CTNNA3: variants seen among roughly 807,000 people sequenced by gnomAD.
CTNNA3 encodes catenin alpha-3.
Under a neutral mutation model 95.7 loss-of-function variants are expected in CTNNA3, and 76 were observed. The observed-to-expected ratio is 0.79, with a 90% CI of 0.66 to 0.96. The LOEUF (loss-of-function observed/expected upper bound fraction) is 0.96, where lower values mean the gene tolerates loss of function less well. CTNNA3 is among the 40% of genes least tolerant of loss of function. CTNNA3 has a pLI of 0.00. For synonymous variants in CTNNA3, 431 were observed against 374.4 expected (o/e 1.15, Z -1.74); for missense variants, 1,191 against 1,089.8 (o/e 1.09, Z -1.31).
intron 10 of CTNNA3, among the ~76,000 whole-genome samples, chr10:66,613,745 C>T (rs1005844532): frequency 1.3e-5 from 2 of 151,998 alleles, no homozygotes; most frequent in African/African-American, 4.8e-5. Flanking sequence ...GTCTTAAGAG[C>T]ATTTTGTGCC....
At chr10:67,652,694 C>T (rs780316393) in intron 1 of CTNNA3, among the ~76,000 whole-genome samples, 14 of 148,666 alleles carry the variant, frequency 9.4e-5, no homozygotes, top group Admixed American at 4.6e-4. Context: ...ATATTTAATA[C>T]GAATTATAAC....
intron 7 of CTNNA3, among the ~76,000 whole-genome samples, chr10:67,138,759 G>C (rs2394333): frequency 6.6e-6 from 1 of 151,976 alleles, no homozygotes; most frequent in African/African-American, 2.4e-5. Flanking sequence ...AAAAAATAGT[G>C]GCCTTATTGT....
chr10:67,460,729 A>T (rs989097987), intron 5 of CTNNA3, among the ~76,000 whole-genome samples: 1 of 152,154 alleles, frequency 6.6e-6, no homozygotes, highest in African/African-American at 2.4e-5. Context: ...GACTTTAAAA[A>T]GGCCATTTAT....
chr10:66,306,292 A>G (rs1216962656), intron 12 of CTNNA3, among the ~76,000 whole-genome samples: 1 of 152,182 alleles, frequency 6.6e-6, no homozygotes, highest in Non-Finnish European at 1.5e-5. Context: ...CAGCCTCCTC[A>G]TCTAAAGACA....
chr10:66,294,110 G>T (rs1403238893), intron 12 of CTNNA3, among the ~76,000 whole-genome samples: 2 of 152,130 alleles, frequency 1.3e-5, no homozygotes, highest in African/African-American at 4.8e-5. Context: ...TGGAATAGTT[G>T]CATATAATCT....
chr10:67,468,338 G>A lies in CTNNA3; in HGVS notation c.579+53504C>T, dbSNP rs538585478. On this transcript the variant is annotated intron_variant, in intron 5 of 17. Coordinates refer to ENST00000433211, the MANE Select transcript of CTNNA3 (RefSeq NM_013266.4). ...CAGCCTAGAAGTCTGAGGCCAGCTT[G>A]AGCAGCATAGCAAGACCCTGTTCCT... is the stretch of plus-strand genomic sequence containing the variant. 2.6e-5 allele frequency among the ~76,000 whole-genome samples: 4 copies of A among 151,992 alleles called. No individual in the cohort carries two copies. In the East Asian group the frequency reaches 7.8e-4, roughly 29 times the overall value.
intron 15 of CTNNA3, among the ~76,000 whole-genome samples, chr10:66,057,677 T>C (rs1313228907): frequency 1.3e-5 from 2 of 152,190 alleles, no homozygotes; most frequent in Admixed American, 6.6e-5. Flanking sequence ...CAATGATTAT[T>C]GCTTATAATT....
intron 6 of CTNNA3, among the ~76,000 whole-genome samples, chr10:67,181,670 T>C (rs1862552941): frequency 6.6e-6 from 1 of 152,014 alleles, no homozygotes; most frequent in African/African-American, 2.4e-5. Context: ...AATAAGTATA[T>C]GTGTGTGTGT....
At chr10:67,255,701 C>G (rs1402763001) in intron 5 of CTNNA3, among the ~76,000 whole-genome samples, 1 of 152,114 alleles carries the variant, frequency 6.6e-6, no homozygotes, top group African/African-American at 2.4e-5. Context: ...AGCTCCAGAG[C>G]CCATGTGTGT....
At chr10:66,299,665 A>G (rs2091832354) in intron 12 of CTNNA3, among the ~76,000 whole-genome samples, 1 of 152,142 alleles carries the variant, frequency 6.6e-6, no homozygotes, top group Non-Finnish European at 1.5e-5. Flanking sequence ...AATAGTTGGG[A>G]TATGTAAACT....
chr10:66,597,991 T>A (rs1283527951), intron 10 of CTNNA3, among the ~76,000 whole-genome samples: 1 of 151,982 alleles, frequency 6.6e-6, no homozygotes, highest in Non-Finnish European at 1.5e-5. Flanking sequence ...CAGAGGCCAA[T>A]ATCCCTGATA....
intron 6 of CTNNA3, among the ~76,000 whole-genome samples, chr10:67,207,885 T>C (rs905150596): frequency 2.6e-5 from 4 of 152,184 alleles, no homozygotes; most frequent in African/African-American, 7.2e-5. Context: ...CATCAGAGTA[T>C]GTCTAAATTT....
chr10:67,504,815 T>G (rs1026889133), intron 5 of CTNNA3, among the ~76,000 whole-genome samples: 5 of 152,236 alleles, frequency 3.3e-5, no homozygotes, highest in African/African-American at 1.2e-4. Context: ...TGTTTCCTGA[T>G]AGATTTCAAA....
At chr10:66,283,575 A>AT (rs1449877866) in intron 12 of CTNNA3, among the ~76,000 whole-genome samples, 1 of 151,916 alleles carries the variant, frequency 6.6e-6, no homozygotes, top group Non-Finnish European at 1.5e-5. Flanking sequence ...AAATGATTTC[A>AT]TTTTAACTCC....
At chr10:67,124,769 C>T (rs1010167125) in intron 7 of CTNNA3, among the ~76,000 whole-genome samples, 6 of 152,134 alleles carry the variant, frequency 3.9e-5, no homozygotes, top group African/African-American at 1.4e-4. Context: ...ACATTAAATG[C>T]AAAATGTTTT....
intron 3 of CTNNA3, among the ~76,000 whole-genome samples, chr10:67,540,498 C>G (rs1840648781): frequency 6.6e-6 from 1 of 151,874 alleles, no homozygotes; most frequent in Admixed American, 6.6e-5. Context: ...ACTAATCCCC[C>G]AAAGCACCAA....
At chr10:65,991,565 T>G (rs1267381767) in intron 15 of CTNNA3, among the ~76,000 whole-genome samples, 1 of 152,034 alleles carries the variant, frequency 6.6e-6, no homozygotes, top group Non-Finnish European at 1.5e-5. Context: ...TTTTTCAGAC[T>G]GGTGTATAAA....
intron 7 of CTNNA3, among the ~76,000 whole-genome samples, chr10:66,929,406 T>C (rs1210290477): frequency 6.6e-6 from 1 of 152,192 alleles, no homozygotes; most frequent in African/African-American, 2.4e-5. Context: ...ATGTAGTTAG[T>C]AGAATCCTTA....
intron 11 of CTNNA3, among the ~76,000 whole-genome samples, chr10:66,398,360 G>C (rs2092995297): frequency 6.6e-6 from 1 of 151,990 alleles, no homozygotes; most frequent in East Asian, 1.9e-4. Context: ...ACAGAAACTT[G>C]GAAAGTGAAA....
Sources: allele counts gnomAD v4.1 joint callset (sites outside exome capture counted in the v4.1 genomes callset), GRCh38; gene constraint gnomAD v4.1.1; transcripts MANE v1.5; gene names NCBI Gene and HGNC (gene_info 2026-07-23, HGNC 2026-07-21).